RIMS1: variants seen among roughly 807,000 people sequenced by gnomAD.
The protein encoded by RIMS1 is regulating synaptic membrane exocytosis 1.
RIMS1 carries 83 observed loss-of-function variants against 214.1 expected under a neutral mutation model. The observed-to-expected ratio is 0.39, with a 90% CI of 0.32 to 0.47. The LOEUF (loss-of-function observed/expected upper bound fraction) is 0.47. RIMS1 is among the 20% of genes least tolerant of loss of function. The pLI, the probability that RIMS1 is intolerant of heterozygous loss-of-function variation, is 0.99. For missense variants in RIMS1, 2,050 were observed against 2,161.8 expected, an observed-to-expected ratio of 0.95 and a Z score of 1.03; for synonymous variants, 793 against 786.8, an observed-to-expected ratio of 1.01 and a Z score of -0.13.
intron 15 of RIMS1, among the ~76,000 whole-genome samples, 158 bp downstream of exon 15, chr6:72,251,526 C>T (rs1344435532): frequency 6.6e-6 from 1 of 152,074 alleles, no homozygotes. Flanking sequence ...ACTGTTTCTA[C>T]ATTTTCACAA....
At chr6:72,347,121 C>CT (rs1454197280) in intron 29 of RIMS1, among the ~76,000 whole-genome samples, 32 of 151,910 alleles carry the variant, frequency 2.1e-4, no homozygotes, top group Non-Finnish European at 4.1e-4. Context: ...TTGTTAGACA[C>CT]AGTGATTCTC....
chr6:71,956,016 G>T (rs1196790223), intron 1 of RIMS1, among the ~76,000 whole-genome samples: 1 of 151,932 alleles, frequency 6.6e-6, no homozygotes, highest in Non-Finnish European at 1.5e-5. Flanking sequence ...TTTCAATGAG[G>T]TAATTATGTA....
intron 28 of RIMS1, among the ~76,000 whole-genome samples, chr6:72,327,998 C>T (rs2206886): frequency 0.11 from 16,246 of 151,808 alleles, 884 homozygotes; most frequent in East Asian, 0.14. Context: ...TATAAAGACA[C>T]ATGCACAAGT....
chr6:72,322,615 CA>C (rs1332168546), intron 28 of RIMS1, among the ~76,000 whole-genome samples: 1 of 151,942 alleles, frequency 6.6e-6, no homozygotes, highest in Non-Finnish European at 1.5e-5. Context: ...ACAACAACAG[CA>C]AAAACTATTG....
Position 72,240,429 on chromosome 6 carries a change from G to T in RIMS1, c.1958-1885G>T, listed in dbSNP as rs1439111325. On this transcript the variant is annotated intron_variant, in intron 9 of 33. Transcript: ENST00000521978. The stretch of plus-strand genomic sequence containing the variant: ...AACATAATAGAATAGAAAAATCAGG[G>T]TAAGTATTGTTTCATAAATGTTTTT... Among the ~76,000 whole-genome samples the T allele has an allele frequency of 3.3e-5, 5 of 150,436 alleles. 1 individual carries two copies. The highest frequency in any genetic ancestry group is 1.3e-4 in the Admixed American group (2 of 15,130).
chr6:71,933,261 C>G (rs563152831), intron 1 of RIMS1, among the ~76,000 whole-genome samples: 1 of 152,120 alleles, frequency 6.6e-6, no homozygotes, highest in Admixed American at 6.5e-5. Flanking sequence ...GAGGTATCCT[C>G]TCATGTACCC....
intron 2 of RIMS1, among the ~76,000 whole-genome samples, chr6:72,014,022 T>C (rs2151888294): frequency 6.6e-6 from 1 of 152,352 alleles, no homozygotes; most frequent in Admixed American, 6.5e-5. Flanking sequence ...CTTAGTGTAT[T>C]AGTCCATTCT....
At chr6:72,161,449 T>C (rs1260398718) in intron 4 of RIMS1, among the ~76,000 whole-genome samples, 1 of 140,634 alleles carries the variant, frequency 7.1e-6, no homozygotes, top group Non-Finnish European at 1.6e-5. Context: ...GTGTTTGCTC[T>C]TGCTTCTCTA....
chr6:71,938,433 ATGACATTCTT>A (rs1377057975), intron 1 of RIMS1, among the ~76,000 whole-genome samples: 1 of 152,198 alleles, frequency 6.6e-6, no homozygotes, highest in Non-Finnish European at 1.5e-5. Context: ...GTTTCTGTCC[ATGACATTCTT>A]TGACGTCTAT....
intron 11 of RIMS1, among the ~76,000 whole-genome samples, chr6:72,247,150 G>C (rs1228138259): frequency 2.6e-5 from 4 of 152,066 alleles, no homozygotes; most frequent in Non-Finnish European, 4.4e-5. Context: ...GGTATACTTG[G>C]AACAGTGAAG....
At chr6:72,354,316 T>C (rs2097559043) in intron 29 of RIMS1, among the ~76,000 whole-genome samples, 1 of 152,222 alleles carries the variant, frequency 6.6e-6, no homozygotes, top group Non-Finnish European at 1.5e-5. Flanking sequence ...GTTTTCTCAC[T>C]ATGGAAAATT....
chr6:71,988,482 C>G (rs917255765), intron 2 of RIMS1, among the ~76,000 whole-genome samples: 2 of 151,854 alleles, frequency 1.3e-5, no homozygotes, highest in Non-Finnish European at 2.9e-5. Flanking sequence ...GCTAGTAATC[C>G]CATTTCTGGG....
rs1426530695 is a variant in RIMS1, at chr6:72,123,548, A to G, written c.471+23562A>G. Among the ~76,000 whole-genome samples the G allele has an allele frequency of 2.6e-5, 4 of 151,808 alleles. 1 individual carries two copies. Among genetic ancestry groups the G allele is most frequent in the Non-Finnish European group, 5.9e-5 (4 of 67,838 alleles). On this transcript the variant is annotated intron_variant, in intron 4 of 33. Coordinates refer to ENST00000521978, the MANE Select transcript of RIMS1 (RefSeq NM_014989.7). Reference sequence around the variant, plus strand: ...TCCTTGTTAACTTTCTGTCTCGTTGATCTGTCTAATATTGACAGTGGGGTG... The same window carrying G: ...TCCTTGTTAACTTTCTGTCTCGTTGGTCTGTCTAATATTGACAGTGGGGTG...
At chr6:72,016,014 A>G (rs1812632212) in intron 2 of RIMS1, among the ~76,000 whole-genome samples, 1 of 152,188 alleles carries the variant, frequency 6.6e-6, no homozygotes, top group Non-Finnish European at 1.5e-5. Context: ...TTATTTTATT[A>G]TGGAAGATTT....
intron 4 of RIMS1, chr6:72,148,682 G>A (rs1037992600): frequency 2.2e-6 from 1 of 449,964 alleles, no homozygotes; most frequent in Non-Finnish European, 4.4e-6. Context: ...GACTTGTGCT[G>A]TCACTAACCT....
intron 2 of RIMS1, among the ~76,000 whole-genome samples, chr6:71,970,235 G>A (rs1003461274): frequency 6.6e-6 from 1 of 152,078 alleles, no homozygotes; most frequent in South Asian, 2.1e-4. Flanking sequence ...GTACAAACTT[G>A]GAAGAAGTAC....
Position 71,992,604 on chromosome 6 carries a change from C to G in RIMS1, c.245+23541C>G, listed in dbSNP as rs551988974. Among the ~76,000 whole-genome samples, 1,097 of 127,178 alleles carry G rather than the reference C, an allele frequency of 8.6e-3. 11 individuals carry two copies. The highest frequency in any genetic ancestry group is 0.031 in the African/African-American group (1,035 of 33,182). The allele number at this position is 127,178 out of a possible 152,430, so 83.4% of individuals were successfully genotyped here. On this transcript the variant is annotated intron_variant, in intron 2 of 33. Transcript: ENST00000521978. ...CTCTTCTCCTTCTCCTCCTCCTTCT[C>G]CTTCTCCTTCTTCTTCTTCTTCTTC...
intron 29 of RIMS1, among the ~76,000 whole-genome samples, chr6:72,350,200 A>T (rs1172169072): frequency 6.6e-6 from 1 of 152,158 alleles, no homozygotes; most frequent in Non-Finnish European, 1.5e-5. Context: ...AGAAAAAAGG[A>T]AGGAAAAAAG....
At chr6:72,228,155 A>G (rs1213182984) in intron 6 of RIMS1, among the ~76,000 whole-genome samples, 1 of 151,980 alleles carries the variant, frequency 6.6e-6, no homozygotes, top group African/African-American at 2.4e-5. Context: ...TTTTGTAATA[A>G]GAACACTTAA....
Sources: allele counts gnomAD v4.1 joint callset (sites outside exome capture counted in the v4.1 genomes callset), GRCh38; gene constraint gnomAD v4.1.1; transcripts MANE v1.5; gene names NCBI Gene and HGNC (gene_info 2026-07-23, HGNC 2026-07-21).